Variants in FBRSL1 observed in about 807,000 individuals in gnomAD.
The protein encoded by FBRSL1 is fibrosin like 1, also known as fibrosin-1-like protein.
FBRSL1 carries 51 observed loss-of-function variants against 89.6 expected under a neutral mutation model. That is an observed-to-expected ratio of 0.57 (90% CI 0.45 to 0.72). FBRSL1 has a LOEUF of 0.72. Among genes scored for constraint, FBRSL1 ranks in the 30% least tolerant of loss-of-function variants. The pLI, the probability that FBRSL1 is intolerant of heterozygous loss-of-function variation, is 0.00. For synonymous variants in FBRSL1, 779 were observed against 681.1 expected (o/e 1.14, Z -2.24); for missense variants, 1,618 against 1,451.8 (o/e 1.11, Z -1.86).
intron 4 of FBRSL1, among the ~76,000 whole-genome samples, chr12:132,528,958 C>A (rs1283278068): frequency 6.6e-6 from 1 of 152,174 alleles, no homozygotes; most frequent in Non-Finnish European, 1.5e-5. Flanking sequence ...GACCTGGAGG[C>A]CCAGCACCAT....
At chr12:132,504,410 G>A (rs1225811951) in intron 1 of FBRSL1, among the ~76,000 whole-genome samples, 2 of 152,180 alleles carry the variant, frequency 1.3e-5, no homozygotes, top group African/African-American at 4.8e-5. Flanking sequence ...GCAATGTCAC[G>A]GCAGCCTGCG....
chr12:132,502,815 C>T (rs1159484797), intron 1 of FBRSL1, among the ~76,000 whole-genome samples: 2 of 76,138 alleles, frequency 2.6e-5, no homozygotes, highest in African/African-American at 4.5e-5. Context: ...CCTCCTGTCC[C>T]CGCCCCCTCC....
Position 132,583,573 on chromosome 12 carries a change from C to A in FBRSL1, c.2804C>A (p.Pro935His). 1 of 1,020,182 alleles carries A rather than the reference C, an allele frequency of 9.8e-7. No homozygotes were observed. The highest frequency in any genetic ancestry group is 1.2e-6 in the Non-Finnish European group (1 of 853,294). 63.2% of individuals were successfully genotyped at this position (1,020,182 alleles called of 1,614,324 possible). ...GCCCTGCACTTCCCGCGCCTCTCGC[C>A]CGCCGCGCTGCACAATGGGCTCCTG... ...LGALHFPRLSPAALHNGLLAR... is the reference protein window; with the variant it reads ...LGALHFPRLSHAALHNGLLAR... The change falls in exon 19 of 19, where the codon CCC becomes CAC. Residue 935 changes from proline to histidine, a missense_variant. Transcript: ENST00000680143.
At chr12:132,536,880 T>C (rs1394046280) in intron 4 of FBRSL1, among the ~76,000 whole-genome samples, 1 of 152,266 alleles carries the variant, frequency 6.6e-6, no homozygotes, top group African/African-American at 2.4e-5. Flanking sequence ...TAAATGTATG[T>C]GGCTGTGCAC....
intron 4 of FBRSL1, among the ~76,000 whole-genome samples, chr12:132,543,264 G>A (rs894347333): frequency 2.0e-5 from 3 of 152,376 alleles, no homozygotes; most frequent in African/African-American, 7.2e-5. Context: ...TGTCTCTGCA[G>A]ATGAGGAAAC....
rs184917689 is a variant in FBRSL1, at chr12:132,572,955, C to T, written c.1530+333C>T. On this transcript the variant is annotated intron_variant, in intron 11 of 18. Coordinates refer to ENST00000680143, the MANE Select transcript of FBRSL1 (RefSeq NM_001367871.1). ...TGTGGACAGCAGCCTCACAGGCCGT[C>T]CTTACCGCAAGGAGGTTCTTACGGG... Among the ~76,000 whole-genome samples, 526 of 152,306 alleles carry T rather than the reference C, an allele frequency of 3.5e-3. 3 individuals carry two copies. Among genetic ancestry groups the T allele is most frequent in the African/African-American group, 0.012 (489 of 41,566 alleles).
rs895336919 is a variant in FBRSL1 at position 132,571,339 on chromosome 12, C to T, written c.1377+108C>T. ...GCTGCTCAGGCAAGAGCTGAACACGCGGTTTCTGGTGCAGAGCGCCGAGCG... is the reference window on the plus strand; with the variant it reads ...GCTGCTCAGGCAAGAGCTGAACACGTGGTTTCTGGTGCAGAGCGCCGAGCG... On this transcript the variant is annotated intron_variant, in intron 9 of 18. Transcript: ENST00000680143. The T allele has an allele frequency of 1.3e-5, 20 of 1,549,840 alleles. No individual in the cohort carries two copies. The highest frequency in any genetic ancestry group is 9.8e-5 in the East Asian group (4 of 40,848).
chr12:132,516,814 G>T (rs2034885216), intron 2 of FBRSL1, among the ~76,000 whole-genome samples: 1 of 152,182 alleles, frequency 6.6e-6, no homozygotes, highest in Admixed American at 6.5e-5. Context: ...TGTACCCTGG[G>T]CCATTACCTG....
intron 4 of FBRSL1, among the ~76,000 whole-genome samples, chr12:132,538,754 A>G (rs372850423): frequency 1.7e-4 from 26 of 152,342 alleles, no homozygotes; most frequent in African/African-American, 6.3e-4. Flanking sequence ...TAATTGGGTA[A>G]TTAGTGCTTT....
rs2037832435 is a variant in FBRSL1 at position 132,547,894 on chromosome 12, C to T, written c.616-109C>T. 3.1e-5 allele frequency: 38 copies of T among 1,213,002 alleles called. No homozygotes were observed. In the South Asian group the frequency reaches 4.4e-4, roughly 14 times the overall value. 75.1% of individuals were successfully genotyped at this position (1,213,002 alleles called of 1,614,324 possible). A position where few individuals can be genotyped will look rare whatever the true frequency, so the allele number is the denominator to read the frequency against. On this transcript the variant is annotated intron_variant, in intron 4 of 18. Coordinates refer to ENST00000680143, the MANE Select transcript of FBRSL1 (RefSeq NM_001367871.1). ...TGCTGGTACCTCCCTCTCCTGGCAG[C>T]AGCCAGGGCCGCCCCACCCGTGCCC...
chr12:132,566,407 A>G (rs2039620429), intron 5 of FBRSL1: 2 of 69,986 alleles, frequency 2.9e-5, no homozygotes, highest in South Asian at 1.0e-3. Context: ...CTGTTTAATC[A>G]AAAAAAAAAA....
rs1170243601 is a variant in FBRSL1, at chr12:132,546,647, CA to C, written c.616-1355del. 6.6e-6 allele frequency among the ~76,000 whole-genome samples: 1 copy of C among 151,982 alleles called. No individual in the cohort carries two copies. Among genetic ancestry groups the C allele is most frequent in the African/African-American group, 2.4e-5 (1 of 41,374 alleles). ...CTTGGCCACGGCTGAAAGGCCAGAC[CA>C]GGGGGGACCAGCACACAGCCGGGAC... On this transcript the variant is annotated intron_variant, in intron 4 of 18. Coordinates refer to ENST00000680143, the MANE Select transcript of FBRSL1 (RefSeq NM_001367871.1). This position sits in a 1 kb window ranked among gnomAD's most constrained non-coding sequence, Gnocchi z 4.0.
intron 2 of FBRSL1, chr12:132,510,892 A>G (rs565748536): frequency 4.3e-4 from 437 of 1,009,792 alleles, no homozygotes; most frequent in Non-Finnish European, 5.0e-4. Flanking sequence ...GTCTACGTGC[A>G]CGCTTGCCCC....
At chr12:132,563,720 G>A (rs185441875) in intron 5 of FBRSL1, among the ~76,000 whole-genome samples, 55 of 135,660 alleles carry the variant, frequency 4.1e-4, no homozygotes, top group African/African-American at 1.3e-3. Flanking sequence ...ACCCACCCCC[G>A]TCGCCCCTGA....
At chr12:132,508,931 G>A (rs954647876) in intron 2 of FBRSL1, among the ~76,000 whole-genome samples, 8 of 152,294 alleles carry the variant, frequency 5.3e-5, no homozygotes, top group East Asian at 1.9e-4. Context: ...CTTCCCCAGC[G>A]CGTGGGGCTC....
At chr12:132,535,307 G>T (rs999648881) in intron 4 of FBRSL1, among the ~76,000 whole-genome samples, 3 of 152,214 alleles carry the variant, frequency 2.0e-5, no homozygotes, top group South Asian at 2.1e-4. Context: ...CCTGACACAG[G>T]CTCATTAATT....
chr12:132,567,769 G>T (rs1255762202), intron 6 of FBRSL1, among the ~76,000 whole-genome samples: 1 of 152,162 alleles, frequency 6.6e-6, no homozygotes, highest in African/African-American at 2.4e-5. Context: ...TCCCAGAGTG[G>T]AACCGTTAGG....
intron 4 of FBRSL1, among the ~76,000 whole-genome samples, chr12:132,538,774 T>C (rs527765134): frequency 5.3e-5 from 8 of 152,330 alleles, no homozygotes; most frequent in African/African-American, 1.7e-4. Context: ...TGTTGTGCTT[T>C]GAAGCCTAAA....
chr12:132,570,443 G>A lies in FBRSL1; in HGVS notation c.1116G>A (p.Gln372=), dbSNP rs1428527916. The A allele has an allele frequency of 6.5e-7, 1 of 1,534,556 alleles. No individual in the cohort carries two copies. Among genetic ancestry groups the A allele is most frequent in the Admixed American group, 2.0e-5 (1 of 50,902 alleles). ...TSHLALRSQA[Q]HQLHAAMFAA... is the part of the protein sequence containing the mutation. ...ACCTGGCGCTCCGGTCCCAGGCGCAGCACCAGCTCCACGCGGCCATGTTTG... is the reference window on the plus strand; with the variant it reads ...ACCTGGCGCTCCGGTCCCAGGCGCAACACCAGCTCCACGCGGCCATGTTTG... The change falls in exon 8 of 19, where the codon CAG becomes CAA. Residue 372 remains glutamine, a synonymous_variant. Coordinates refer to ENST00000680143, the MANE Select transcript of FBRSL1 (RefSeq NM_001367871.1).
Sources: gnomAD v4.1 joint callset for allele counts (sites outside exome capture counted in the v4.1 genomes callset) on GRCh38, gnomAD v4.1.1 for gene constraint, Gnocchi (gnomAD v3.1) non-coding constraint, MANE v1.5 for transcripts, NCBI Gene and HGNC (gene_info 2026-07-23, HGNC 2026-07-21) for gene names.